Variants in ZNF800 observed in about 807,000 individuals in gnomAD.
ZNF800 encodes the protein zinc finger protein 800.
A neutral mutation model predicts 59.5 loss-of-function variants in ZNF800; 13 were observed. The ratio of observed to expected loss-of-function variants is 0.22; its 90% CI spans 0.14 to 0.35. The LOEUF is 0.35. Ranked by LOEUF, ZNF800 falls within the 10% of genes least tolerant of loss-of-function variation. The pLI, the probability that ZNF800 is intolerant of heterozygous loss-of-function variation, is 1.00. For missense variants in ZNF800, 621 were observed against 783.7 expected (o/e 0.79, Z 2.48); for synonymous variants, 266 against 265.7 (o/e 1.00, Z -0.01).
At chr7:127,384,921 G>A (rs1299541909) in intron 3 of ZNF800, among the ~76,000 whole-genome samples, 1 of 152,118 alleles carries the variant, frequency 6.6e-6, no homozygotes, top group Non-Finnish European at 1.5e-5. Context: ...CCAATATAAG[G>A]ATAGGCACTT....
chr7:127,391,562 A>G lies in ZNF800; in HGVS notation c.-5T>C. On this transcript the variant is annotated 5_prime_UTR_variant, in exon 2 of 6. Transcript: ENST00000265827. ...GTATTTGTCCCTTAAAGGCATTTTC[A>G]GTGGACTCGACCTACTTTGCTTTCA... 6.2e-7 allele frequency: 1 copy of G among 1,614,086 alleles called. No individual in the cohort carries two copies. The highest frequency in any genetic ancestry group is 1.3e-5 in the African/African-American group (1 of 75,046).
Position 127,391,490 on chromosome 7 carries a change from G to A in ZNF800, c.61+7C>T, listed in dbSNP as rs1267052659. 4 of 1,613,856 alleles carry A rather than the reference G, an allele frequency of 2.5e-6. No homozygotes were observed. Among genetic ancestry groups the A allele is most frequent in the South Asian group, 1.1e-5 (1 of 91,078 alleles). On this transcript the variant is annotated splice_region_variant and intron_variant, in intron 2 of 5. Transcript: ENST00000265827. ...GGCAAAGCAACTGCGGACGAAGAGG[G>A]GTCTACCTGGTTCACAGCATCCGTG... is the stretch of plus-strand genomic sequence containing the variant.
intron 2 of ZNF800, among the ~76,000 whole-genome samples, chr7:127,390,718 G>A (rs1801283083): frequency 6.6e-6 from 1 of 152,168 alleles, no homozygotes; most frequent in South Asian, 2.1e-4. Context: ...GTGATGGTAT[G>A]CATTCAATGA....
chr7:127,383,507 G>A (rs1363318454), intron 3 of ZNF800, among the ~76,000 whole-genome samples: 1 of 152,166 alleles, frequency 6.6e-6, no homozygotes, highest in Non-Finnish European at 1.5e-5. Flanking sequence ...ATGAGTCATT[G>A]AGGGTGTGCT....
At chr7:127,388,646 C>T (rs1801216126) in intron 2 of ZNF800, among the ~76,000 whole-genome samples, 3 of 151,986 alleles carry the variant, frequency 2.0e-5, no homozygotes, top group Admixed American at 2.0e-4. Flanking sequence ...ACACCAACTT[C>T]CACTTCCACA....
chr7:127,379,234 T>C (rs561339112), intron 3 of ZNF800, among the ~76,000 whole-genome samples: 2 of 152,320 alleles, frequency 1.3e-5, no homozygotes, highest in South Asian at 4.1e-4. Context: ...TAGTTCACAG[T>C]TAACTTCATA....
At chr7:127,349,052 A>G (rs1162795873) in intron 1 of ZNF800, among the ~76,000 whole-genome samples, 66 of 152,236 alleles carry the variant, frequency 4.3e-4, no homozygotes, top group Non-Finnish European at 4.4e-5. Context: ...CTCTAGTAAT[A>G]ATTTCCACTT....
intron 3 of ZNF800, among the ~76,000 whole-genome samples, chr7:127,380,682 A>G (rs1428307275): frequency 6.6e-6 from 1 of 152,238 alleles, no homozygotes; most frequent in Non-Finnish European, 1.5e-5. Flanking sequence ...GACAACAGAC[A>G]TGGTCATCCA....
In ZNF800 at chr7:127,373,550, G is replaced by A. The variant is rs913287247; in HGVS notation, c.1786C>T (p.Pro596Ser). 1 of 1,614,124 alleles carries A rather than the reference G, an allele frequency of 6.2e-7. No homozygotes were observed. Among genetic ancestry groups the A allele is most frequent in the Non-Finnish European group, 8.5e-7 (1 of 1,180,032 alleles). ...TCAGCTACTTCATACTTTTTACTAG[G>A]AGAGTTAGAAGTGCCATCATGTTTT... ...DSKHDGTSNS[P>S]SKKYEVADVG... is the part of the protein sequence containing the mutation. Residue 596 changes from proline (P) to serine (S), a missense_variant, in exon 5 of 6, where the codon CCT (proline) becomes TCT (serine). Physicochemically the swap from Pro to Ser is moderately conservative, Grantham distance 74. Coordinates refer to ENST00000265827, the MANE Select transcript of ZNF800 (RefSeq NM_176814.5).
chr7:127,372,991 C>G, intron 5 of ZNF800: 1 of 985,196 alleles, frequency 1.0e-6, no homozygotes, highest in Non-Finnish European at 1.2e-6. Flanking sequence ...TCAAATTAAA[C>G]CTGTGCAAAG....
At chr7:127,387,539 A>G (rs964634178) in intron 2 of ZNF800, among the ~76,000 whole-genome samples, 2 of 152,160 alleles carry the variant, frequency 1.3e-5, no homozygotes, top group Non-Finnish European at 2.9e-5. Flanking sequence ...GGACCAACTC[A>G]TTTCATTAAG....
chr7:127,347,206 G>A (rs1800081916), exon 2 of ZNF800: 1 of 152,504 alleles, frequency 6.6e-6, no homozygotes, highest in African/African-American at 2.4e-5. Context: ...CTGAAGGGGA[G>A]AAATAATTAC....
chr7:127,385,333 G>A (rs1801104967), intron 3 of ZNF800, among the ~76,000 whole-genome samples: 3 of 152,114 alleles, frequency 2.0e-5, no homozygotes, highest in Admixed American at 1.3e-4. Flanking sequence ...CACAAGGGGT[G>A]GACAAGTGGA....
In ZNF800 at chr7:127,377,607, C is replaced by T. The variant is rs1419420; in HGVS notation, c.158-278G>A. Among the ~76,000 whole-genome samples the T allele has an allele frequency of 0.64, 97,381 of 151,790 alleles. 31,643 individuals are homozygous for T. Among genetic ancestry groups the T allele is most frequent in the East Asian group, 0.86 (4,469 of 5,174 alleles). On this transcript the variant is annotated intron_variant, in intron 3 of 5. Coordinates refer to ENST00000265827, the MANE Select transcript of ZNF800 (RefSeq NM_176814.5). This position sits in a 1 kb window ranked among gnomAD's most constrained non-coding sequence, Gnocchi z 4.7. ...TTGATATATCCCAAGGCAGTGGTTC[C>T]GACATGAGGTTAATCATTACAATGA...
chr7:127,343,535 T>G (rs1288679390), downstream of ZNF800, among the ~76,000 whole-genome samples: 1 of 152,026 alleles, frequency 6.6e-6, no homozygotes, highest in African/African-American at 2.4e-5. Flanking sequence ...TTTCAGAGAA[T>G]TGTCTTCTAC....
intron 1 of ZNF800, chr7:127,359,907 C>T (rs1800362433): frequency 8.3e-6 from 1 of 120,186 alleles, no homozygotes; most frequent in Admixed American, 9.5e-5. Context: ...AACAGATACA[C>T]CACACTTAAA....
rs751054156 is a variant in ZNF800 at position 127,373,312 on chromosome 7, A to G, written c.1994+30T>C. 8.7e-5 allele frequency: 134 copies of G among 1,537,408 alleles called. No individual in the cohort carries two copies. The Admixed American group carries it at 2.1e-3, about 24-fold the overall frequency. On this transcript the variant is annotated intron_variant, in intron 5 of 5. Coordinates refer to ENST00000265827, the MANE Select transcript of ZNF800 (RefSeq NM_176814.5). The stretch of plus-strand genomic sequence containing the variant: ...TTTTTTTTTAGTTCGATGGGGGGAA[A>G]AAAGCAAAACTCTGTTAACTGTTCC...
chr7:127,362,320 G>C (rs1379701179), intron 1 of ZNF800: 1 of 152,146 alleles, frequency 6.6e-6, no homozygotes. Context: ...TGATTAGAAA[G>C]GTTCCACAGT....
chr7:127,352,591 T>TAA (rs1446255871), intron 1 of ZNF800, among the ~76,000 whole-genome samples: 1 of 152,208 alleles, frequency 6.6e-6, no homozygotes, highest in Non-Finnish European at 1.5e-5. Flanking sequence ...CTTCTGATTA[T>TAA]AATTTATTTT....
Sources: allele counts gnomAD v4.1 joint callset (sites outside exome capture counted in the v4.1 genomes callset), GRCh38; gene constraint gnomAD v4.1.1; non-coding constraint Gnocchi (gnomAD v3.1); transcripts MANE v1.5; gene names NCBI Gene and HGNC (gene_info 2026-07-23, HGNC 2026-07-21).